Variants in PLPP4 observed in about 807,000 individuals in gnomAD.
PLPP4 encodes the protein phospholipid phosphatase 4, also known as diacylglycerol pyrophosphate like 2.
Under a neutral mutation model 32.2 loss-of-function variants are expected in PLPP4, and 20 were observed. The observed-to-expected ratio is 0.62, with a 90% CI of 0.44 to 0.90. The LOEUF (loss-of-function observed/expected upper bound fraction) is 0.90, where lower values mean the gene tolerates loss of function less well. PLPP4 is among the 40% of genes least tolerant of loss of function. The pLI, the probability that PLPP4 is intolerant of heterozygous loss-of-function variation, is 0.00. For synonymous variants in PLPP4, 127 were observed against 133.0 expected (o/e 0.95, Z 0.31); for missense variants, 257 against 353.1 (o/e 0.73, Z 2.18).
rs750672299 is a variant in PLPP4, at chr10:120,518,840, C to G, written c.264C>G (p.Ser88=). The G allele has an allele frequency of 3.7e-6, 6 of 1,611,966 alleles. No individual in the cohort carries two copies. The South Asian group carries it at 6.6e-5, about 18-fold the overall frequency. The part of the protein sequence containing the change: ...TEIKEAFLAV[S]LALALNGVCT... ...GTTGGTTTTGTTTTGTAGCGGTGTCCTTGGCTCTTGCTTTGAATGGAGTCT... is the reference window on the plus strand; with the variant it reads ...GTTGGTTTTGTTTTGTAGCGGTGTCGTTGGCTCTTGCTTTGAATGGAGTCT... The change falls in exon 4 of 7, where the codon TCC becomes TCG. Residue 88 remains serine, a synonymous_variant. Transcript: ENST00000398250.
rs182490244 is a variant in PLPP4 at position 120,465,895 on chromosome 10, G to A, written c.56+8534G>A. Among the ~76,000 whole-genome samples, 123 of 152,094 alleles carry A rather than the reference G, an allele frequency of 8.1e-4. 1 individual carries two copies. Among genetic ancestry groups the A allele is most frequent in the South Asian group, 6.0e-3 (29 of 4,804 alleles). On this transcript the variant is annotated intron_variant, in intron 1 of 6. Transcript: ENST00000398250. ...ATTTATCTCTTTTGTTGTGGGTAGC[G>A]GCAGTTTGTTCGTTCTCGTGTGCTC...
Position 120,467,260 on chromosome 10 carries a change from TA to T in PLPP4, c.56+9900del, listed in dbSNP as rs982111161. Among the ~76,000 whole-genome samples, 6 of 63,040 alleles carry T rather than the reference TA, an allele frequency of 9.5e-5. 1 individual carries two copies. The highest frequency in any genetic ancestry group is 1.7e-4 in the African/African-American group (5 of 29,516). 41.4% of individuals were successfully genotyped at this position (63,040 alleles called of 152,430 possible). ...TGCCTGGCTAATTTTTTTGTAATTT[TA>T]TTTTTTTTTAAGTAGAGATGGGGTT... On this transcript the variant is annotated intron_variant, in intron 1 of 6. Coordinates refer to ENST00000398250, the MANE Select transcript of PLPP4 (RefSeq NM_001030059.3).
chr10:120,571,524 G>A (rs1848942780), intron 5 of PLPP4, among the ~76,000 whole-genome samples: 2 of 152,242 alleles, frequency 1.3e-5, no homozygotes, highest in South Asian at 4.1e-4. Context: ...CAAGTCCTAT[G>A]GCTAGAGTCA....
intron 6 of PLPP4, among the ~76,000 whole-genome samples, chr10:120,586,116 C>CTT (rs199677420): frequency 0.13 from 16,765 of 125,286 alleles, 1,658 homozygotes; most frequent in African/African-American, 0.28. Context: ...ATTTTTTTCT[C>CTT]TTTTCTTTTT....
intron 6 of PLPP4, among the ~76,000 whole-genome samples, chr10:120,582,797 C>CCCTCCCTT (rs1849579337): frequency 7.9e-6 from 1 of 127,292 alleles, no homozygotes; most frequent in Non-Finnish European, 1.7e-5. Context: ...CTCCCTCCCT[C>CCCTCCCTT]CCTCCCTTCC....
At chr10:120,511,730 G>T (rs950950333) in intron 2 of PLPP4, among the ~76,000 whole-genome samples, 1 of 152,200 alleles carries the variant, frequency 6.6e-6, no homozygotes, top group Non-Finnish European at 1.5e-5. Context: ...AGCACTAAAT[G>T]CATGAGACAA....
At chr10:120,566,645 C>T (rs1369414907) in intron 5 of PLPP4, among the ~76,000 whole-genome samples, 1 of 151,812 alleles carries the variant, frequency 6.6e-6, no homozygotes, top group African/African-American at 2.4e-5. Flanking sequence ...ACCTCCACCT[C>T]CCGAGTTCAA....
At chr10:120,505,525 A>G (rs1845452546) in intron 2 of PLPP4, among the ~76,000 whole-genome samples, 1 of 152,160 alleles carries the variant, frequency 6.6e-6, no homozygotes, top group South Asian at 2.1e-4. Context: ...TGTATTTTGA[A>G]AGAAATCCCT....
At chr10:120,513,209 A>T (rs1241735949) in intron 2 of PLPP4, among the ~76,000 whole-genome samples, 1 of 152,150 alleles carries the variant, frequency 6.6e-6, no homozygotes, top group African/African-American at 2.4e-5. Flanking sequence ...CAGGCACATC[A>T]CCTAGTCCTC....
chr10:120,458,408 C>T (rs912473448), intron 1 of PLPP4, among the ~76,000 whole-genome samples: 2 of 152,120 alleles, frequency 1.3e-5, no homozygotes, highest in African/African-American at 4.8e-5. Context: ...CTGGAAAAGC[C>T]CTCCCGAGCC....
chr10:120,467,148 G>A (rs11199356), intron 1 of PLPP4, among the ~76,000 whole-genome samples: 79,175 of 115,972 alleles, frequency 0.68, 29,855 homozygotes, highest in East Asian at 0.91. Context: ...GCACAATCTC[G>A]GCTCACTGCA....
chr10:120,575,941 C>T (rs1849203516), intron 6 of PLPP4, among the ~76,000 whole-genome samples: 1 of 152,154 alleles, frequency 6.6e-6, no homozygotes, highest in Admixed American at 6.5e-5. Flanking sequence ...GAAAGACAAC[C>T]ACCACCTGCC....
intron 5 of PLPP4, among the ~76,000 whole-genome samples, chr10:120,549,083 CATTATT>C (rs141726828): frequency 1.3e-5 from 2 of 150,184 alleles, no homozygotes; most frequent in Admixed American, 6.6e-5. Context: ...CTGAACTTGC[CATTATT>C]ATTATTATTA....
chr10:120,462,384 G>T (rs1199627127), intron 1 of PLPP4, among the ~76,000 whole-genome samples: 9 of 152,172 alleles, frequency 5.9e-5, no homozygotes, highest in Admixed American at 5.9e-4. Context: ...TTTGCCCAGG[G>T]GTGGAAAGGA....
intron 5 of PLPP4, among the ~76,000 whole-genome samples, chr10:120,563,555 C>T (rs1375123046): frequency 6.7e-6 from 1 of 148,434 alleles, no homozygotes; most frequent in Admixed American, 6.6e-5. Flanking sequence ...AATCCCAGCA[C>T]TTTGGGAGGC....
Position 120,590,360 on chromosome 10 carries a change from G to A in PLPP4, c.*858G>A, listed in dbSNP as rs1362873966. On this transcript the variant is annotated 3_prime_UTR_variant, in exon 7 of 7. Coordinates refer to ENST00000398250, the MANE Select transcript of PLPP4 (RefSeq NM_001030059.3). ...CATGCCTGGGGCTCATCTCAAGGGA[G>A]TGGCTGAGTGGCCATTGGGGATAAG... 6.6e-6 allele frequency among the ~76,000 whole-genome samples: 1 copy of A among 152,218 alleles called. No homozygotes were observed. The highest frequency in any genetic ancestry group is 2.1e-4 in the South Asian group (1 of 4,832).
At chr10:120,519,983 C>T (rs919381524) in intron 4 of PLPP4, among the ~76,000 whole-genome samples, 4 of 152,170 alleles carry the variant, frequency 2.6e-5, no homozygotes, top group East Asian at 1.9e-4. Flanking sequence ...TTGCCACTTA[C>T]GGGATGTGTG....
Position 120,528,077 on chromosome 10 carries a change from T to TTG in PLPP4, c.445+6983_445+6984insGT, listed in dbSNP as rs1554888677. ...GAAAAATACCACTCTCCGTTTTTTT[T>TTG]TTTTTTTTTTTTTTTGAGGCGGAGT... On this transcript the variant is annotated intron_variant, in intron 5 of 6. Coordinates refer to ENST00000398250, the MANE Select transcript of PLPP4 (RefSeq NM_001030059.3). Among the ~76,000 whole-genome samples the TTG allele has an allele frequency of 2.2e-3, 304 of 139,860 alleles. 2 individuals are homozygous for TTG. Among genetic ancestry groups the TTG allele is most frequent in the African/African-American group, 7.9e-3 (290 of 36,866 alleles). The allele number at this position is 139,860 out of a possible 152,430, so 91.8% of individuals were successfully genotyped here.
At chr10:120,499,318 G>A (rs1845126707) in intron 1 of PLPP4, among the ~76,000 whole-genome samples, 1 of 151,436 alleles carries the variant, frequency 6.6e-6, no homozygotes, top group South Asian at 2.1e-4. Flanking sequence ...GACACAAGTG[G>A]TGCTTGAGAT....
Sources: gnomAD v4.1 joint callset for allele counts (sites outside exome capture counted in the v4.1 genomes callset) on GRCh38, gnomAD v4.1.1 for gene constraint, MANE v1.5 for transcripts, NCBI Gene and HGNC (gene_info 2026-07-23, HGNC 2026-07-21) for gene names.